Variants in PIK3CA observed in about 807,000 individuals in gnomAD.
PIK3CA encodes the protein phosphatidylinositol-4,5-bisphosphate 3-kinase catalytic subunit alpha.
In PIK3CA, 27 loss-of-function variants were observed where a neutral mutation model predicts 138.2. That is an observed-to-expected ratio of 0.20 (90% CI 0.14 to 0.27). The LOEUF (loss-of-function observed/expected upper bound fraction) is 0.27. PIK3CA is among the 10% of genes least tolerant of loss of function. The pLI is 1.00. For missense variants in PIK3CA, 544 were observed against 1,277.4 expected (o/e 0.43, Z 8.75); for synonymous variants, 358 against 413.2 (o/e 0.87, Z 1.62).
intron 1 of PIK3CA, among the ~76,000 whole-genome samples, chr3:179,185,058 G>A (rs992834850): frequency 1.3e-5 from 2 of 152,196 alleles, no homozygotes; most frequent in African/African-American, 4.8e-5. Context: ...ACAGTGTGTA[G>A]CAACTGTTTT....
chr3:179,182,488 C>T (rs1723872126), intron 1 of PIK3CA, among the ~76,000 whole-genome samples: 1 of 151,832 alleles, frequency 6.6e-6, no homozygotes, highest in African/African-American at 2.4e-5. Context: ...GGCAACATGG[C>T]GAGACCCCAT....
chr3:179,222,114 T>C (rs892197702), intron 14 of PIK3CA, among the ~76,000 whole-genome samples: 4 of 151,362 alleles, frequency 2.6e-5, no homozygotes, highest in Non-Finnish European at 5.9e-5. Flanking sequence ...AGCTCATTCC[T>C]CACCTCTAGT....
rs1246613046 is a variant in PIK3CA at position 179,236,913 on chromosome 3, C to G, written c.*2549C>G. ...TACTTCAGTATCAGAGATCAGTTCTCGTGGTTTAGACAGTTCCTATCTATA... is the reference window on the plus strand; with the variant it reads ...TACTTCAGTATCAGAGATCAGTTCTGGTGGTTTAGACAGTTCCTATCTATA... On this transcript the variant is annotated 3_prime_UTR_variant, in exon 21 of 21. Transcript: ENST00000263967. 4.9e-6 allele frequency: 1 copy of G among 205,492 alleles called. No individual in the cohort carries two copies. Among genetic ancestry groups the G allele is most frequent in the East Asian group, 7.4e-5 (1 of 13,486 alleles). The allele number at this position is 205,492 out of a possible 1,614,324, so 12.7% of individuals were successfully genotyped here.
At chr3:179,180,702 G>A (rs1352661078) in intron 1 of PIK3CA, among the ~76,000 whole-genome samples, 2 of 152,144 alleles carry the variant, frequency 1.3e-5, no homozygotes, top group Non-Finnish European at 2.9e-5. Context: ...TGAATAATGA[G>A]CAGAGTAAGA....
Position 179,219,655 on chromosome 3 carries a change from G to A in PIK3CA, c.1831G>A (p.Val611Ile), listed in dbSNP as rs1724920976. 1 of 1,611,746 alleles carries A rather than the reference G, an allele frequency of 6.2e-7. No individual in the cohort carries two copies. Among genetic ancestry groups the A allele is most frequent in the Non-Finnish European group, 8.5e-7 (1 of 1,178,228 alleles). The change falls in exon 12 of 21, where the codon GTT becomes ATT. Residue 611 changes from valine (V) to isoleucine (I), a missense_variant. Physicochemically the swap from Val to Ile is conservative, Grantham distance 29. Coordinates refer to ENST00000263967, the MANE Select transcript of PIK3CA (RefSeq NM_006218.4). This position sits in a 1 kb window ranked among gnomAD's most constrained non-coding sequence, Gnocchi z 4.2. ...GGACTGTAATTACCCAGATCCTATG[G>A]TTCGAGGTTTTGCTGTTCGGTGCTT... The part of the protein sequence containing the change: ...LLDCNYPDPM[V>I]RGFAVRCLEK...
At chr3:179,157,140 C>T (rs969735869) in intron 1 of PIK3CA, among the ~76,000 whole-genome samples, 1 of 152,096 alleles carries the variant, frequency 6.6e-6, no homozygotes, top group Admixed American at 6.5e-5. Flanking sequence ...GAAAGAATTA[C>T]ATTTTGGAAC....
At chr3:179,155,804 A>G (rs148611066) in intron 1 of PIK3CA, among the ~76,000 whole-genome samples, 336 of 152,278 alleles carry the variant, frequency 2.2e-3, no homozygotes, top group Non-Finnish European at 3.9e-3. Flanking sequence ...CTAGTTGCCT[A>G]TTTCTATTGA....
chr3:179,202,744 A>C (rs1468049846), intron 4 of PIK3CA, among the ~76,000 whole-genome samples: 1 of 152,088 alleles, frequency 6.6e-6, no homozygotes, highest in African/African-American at 2.4e-5. Context: ...GGTCTCCACT[A>C]TTTGTGGTTT....
intron 1 of PIK3CA, among the ~76,000 whole-genome samples, chr3:179,178,783 A>G (rs1463319573): frequency 6.6e-6 from 1 of 152,176 alleles, no homozygotes; most frequent in Non-Finnish European, 1.5e-5. Flanking sequence ...GAGACCAGGT[A>G]CAAGCTTCCA....
chr3:179,185,428 A>C (rs1723951674), intron 1 of PIK3CA, among the ~76,000 whole-genome samples: 1 of 152,212 alleles, frequency 6.6e-6, no homozygotes. Context: ...GGTCGCCAAG[A>C]AGTATATGGG....
chr3:179,165,310 A>C (rs1201427204), intron 1 of PIK3CA, among the ~76,000 whole-genome samples: 1 of 152,230 alleles, frequency 6.6e-6, no homozygotes, highest in Non-Finnish European at 1.5e-5. Context: ...AAGATCACCC[A>C]GGAGACTTGA....
chr3:179,220,786 T>C lies in PIK3CA; in HGVS notation c.2016-200T>C, dbSNP rs1353689306. Among the ~76,000 whole-genome samples the C allele has an allele frequency of 6.6e-6, 1 of 152,202 alleles. No individual in the cohort carries two copies. Among genetic ancestry groups the C allele is most frequent in the Non-Finnish European group, 1.5e-5 (1 of 68,034 alleles). Reference sequence around the variant, plus strand: ...AATAAACCTAAAAACTAGATGTTTATTTAATCACATATTCAGGAACTACCT... The same window carrying C: ...AATAAACCTAAAAACTAGATGTTTACTTAATCACATATTCAGGAACTACCT... On this transcript the variant is annotated intron_variant, in intron 13 of 20. Coordinates refer to ENST00000263967, the MANE Select transcript of PIK3CA (RefSeq NM_006218.4). This position sits in a 1 kb window ranked among gnomAD's most constrained non-coding sequence, Gnocchi z 4.1.
intron 20 of PIK3CA, among the ~76,000 whole-genome samples, chr3:179,232,149 A>C (rs1725228594): frequency 6.6e-6 from 1 of 151,804 alleles, no homozygotes; most frequent in Non-Finnish European, 1.5e-5. Flanking sequence ...TTTTTGTCGC[A>C]TTTGCTTTTG....
rs1261422976 is a variant in PIK3CA, at chr3:179,220,992, G to C, written c.2022G>C (p.Glu674Asp). 6.2e-7 allele frequency: 1 copy of C among 1,609,284 alleles called. No homozygotes were observed. The highest frequency in any genetic ancestry group is 8.5e-7 in the Non-Finnish European group (1 of 1,177,168). ...GHFFFWHLKS[E>D]MHNKTVSQRF... The stretch of plus-strand genomic sequence containing the variant: ...TTTTGCACGATTCTTTTAGATCTGA[G>C]ATGCACAATAAAACAGTTAGCCAGA... Residue 674 changes from glutamate to aspartate, a missense_variant, in exon 14 of 21, where the codon GAG becomes GAC. By Grantham distance (45) the Glu-to-Asp change is conservative. This residue lies in a region of PIK3CA where 22 missense variants were observed against 107.9 expected (regional missense o/e 0.20). Transcript: ENST00000263967. This position sits in a 1 kb window ranked among gnomAD's most constrained non-coding sequence, Gnocchi z 4.1.
rs112323491 is a variant in PIK3CA at position 179,213,544 on chromosome 3, CT to C, written c.1539+2982del. Among the ~76,000 whole-genome samples, 6 of 152,336 alleles carry C rather than the reference CT, an allele frequency of 3.9e-5. 1 individual carries two copies. Among genetic ancestry groups the C allele is most frequent in the African/African-American group, 1.4e-4 (6 of 41,580 alleles). ...AACGTTAGCGTGGCTACAGCAGTTT[CT>C]TTAAGACGACAGTGAAGTTTGCCAC... is the stretch of plus-strand genomic sequence containing the variant. On this transcript the variant is annotated intron_variant, in intron 9 of 20. Coordinates refer to ENST00000263967, the MANE Select transcript of PIK3CA (RefSeq NM_006218.4).
Position 179,236,488 on chromosome 3 carries a change from GTAAA to G in PIK3CA, c.*2125_*2128del, listed in dbSNP as rs1725335759. 2 of 219,132 alleles carry G rather than the reference GTAAA, an allele frequency of 9.1e-6. No homozygotes were observed. The highest frequency in any genetic ancestry group is 1.9e-5 in the Non-Finnish European group (2 of 108,010). The allele number at this position is 219,132 out of a possible 1,614,324, so 13.6% of individuals were successfully genotyped here. ...CAGGGTTAAATTATAGGAAAACTCA[GTAAA>G]ATGGTACAAATCTGAAAGTTTGATG... On this transcript the variant is annotated 3_prime_UTR_variant, in exon 21 of 21. Coordinates refer to ENST00000263967, the MANE Select transcript of PIK3CA (RefSeq NM_006218.4).
At chr3:179,173,329 C>T (rs1440899872) in intron 1 of PIK3CA, among the ~76,000 whole-genome samples, 1 of 137,872 alleles carries the variant, frequency 7.3e-6, no homozygotes, top group African/African-American at 2.8e-5. Context: ...GAGGCTGAGG[C>T]GGGTTGATCA....
At chr3:179,224,229 C>A in intron 15 of PIK3CA, 42 bp downstream of exon 15, 1 of 943,816 alleles carries the variant, frequency 1.1e-6, no homozygotes, top group Non-Finnish European at 1.6e-6. Flanking sequence ...AAATAAATAC[C>A]TTTTCTGGAT....
At chr3:179,228,347 A>G (rs1725131250) in intron 17 of PIK3CA, among the ~76,000 whole-genome samples, 1 of 152,042 alleles carries the variant, frequency 6.6e-6, no homozygotes, top group Non-Finnish European at 1.5e-5. Flanking sequence ...CTATAAAATC[A>G]TGTATGGGTA....
Sources: gnomAD v4.1 joint callset for allele counts (sites outside exome capture counted in the v4.1 genomes callset) on GRCh38, gnomAD v4.1.1 for gene constraint, gnomAD v4.1.1 regional missense constraint, Gnocchi (gnomAD v3.1) non-coding constraint, MANE v1.5 for transcripts, NCBI Gene and HGNC (gene_info 2026-07-23, HGNC 2026-07-21) for gene names.